Variants in GATB observed in about 807,000 individuals in gnomAD.
GATB encodes the protein glutamyl-tRNA amidotransferase subunit B.
Under a neutral mutation model 62.3 loss-of-function variants are expected in GATB, and 39 were observed. The observed-to-expected ratio is 0.63, with a 90% CI of 0.48 to 0.82. The LOEUF (loss-of-function observed/expected upper bound fraction) is 0.82, where lower values mean the gene tolerates loss of function less well. Among genes scored for constraint, GATB ranks in the 40% least tolerant of loss-of-function variants. The pLI is 0.00. For synonymous variants in GATB, 276 were observed against 258.9 expected (o/e 1.07, Z -0.63); for missense variants, 670 against 684.0 (o/e 0.98, Z 0.23).
intron 2 of GATB, among the ~76,000 whole-genome samples, chr4:151,752,965 T>A (rs1441776034): frequency 6.6e-6 from 1 of 152,178 alleles, no homozygotes; most frequent in Admixed American, 6.5e-5. Context: ...CATCCCACCA[T>A]GTCAATATCT....
Position 151,672,762 on chromosome 4 carries a change from C to A in GATB, c.1545G>T (p.Val515=). The stretch of plus-strand genomic sequence containing the variant: ...CCTCTCCCCTGCCCGAGATAGTCAC[C>A]ACTTGAGGATGGGCCTCCATCACAG... ...CHSVMEAHPQ[V]VMDVKNRNPR... The change falls in exon 12 of 13, where the codon GTG becomes GTT. Residue 515 remains valine (V), a splice_region_variant and synonymous_variant. Transcript: ENST00000263985. 1 of 1,613,976 alleles carries A rather than the reference C, an allele frequency of 6.2e-7. No individual in the cohort carries two copies. The highest frequency in any genetic ancestry group is 8.5e-7 in the Non-Finnish European group (1 of 1,179,904).
Position 151,701,461 on chromosome 4 carries a change from G to A in GATB, c.1065C>T (p.Pro355=), listed in dbSNP as rs532325104. 158 of 1,596,714 alleles carry A rather than the reference G, an allele frequency of 9.9e-5. No homozygotes were observed. Among genetic ancestry groups the A allele is most frequent in the Non-Finnish European group, 1.2e-4 (142 of 1,170,868 alleles). ...TCACTTGCTGTGGGTCTGCACCTGC[G>A]GGCAGAGATGTGGCGTCGTAGAGCA... ...PLVLYDATSL[P]AGADPQQVIN... The change falls in exon 9 of 13, where the codon CCC becomes CCT. Residue 355 remains proline, a synonymous_variant. Transcript: ENST00000263985.
At position 151,670,930 on chromosome 4, in the gene GATB, C is replaced by T. The variant is rs960208189; in HGVS notation, c.*244G>A. 4.3e-6 allele frequency: 2 copies of T among 465,398 alleles called. No individual in the cohort carries two copies. The highest frequency in any genetic ancestry group is 7.7e-6 in the Non-Finnish European group (2 of 260,306). 28.8% of individuals were successfully genotyped at this position (465,398 alleles called of 1,614,324 possible). On this transcript the variant is annotated 3_prime_UTR_variant, in exon 13 of 13. Coordinates refer to ENST00000263985, the MANE Select transcript of GATB (RefSeq NM_004564.3). Reference sequence around the variant, plus strand: ...TGTTACTCCTTAACCACTGCTGCAGCCTCACCGGACCCTCCTGATGTGGAT... The same window carrying T: ...TGTTACTCCTTAACCACTGCTGCAGTCTCACCGGACCCTCCTGATGTGGAT...
intron 9 of GATB, among the ~76,000 whole-genome samples, chr4:151,690,411 C>A (rs1458480213): frequency 6.6e-6 from 1 of 152,264 alleles, no homozygotes; most frequent in Non-Finnish European, 1.5e-5. Context: ...AAGGCAGAGC[C>A]AGGCAACTTG....
intron 9 of GATB, among the ~76,000 whole-genome samples, chr4:151,696,749 T>G (rs1455662997): frequency 1.3e-5 from 2 of 152,246 alleles, no homozygotes; most frequent in East Asian, 3.8e-4. Context: ...ACAATGCTTT[T>G]GTGTTCTCTG....
chr4:151,683,221 G>C (rs1329136682), intron 10 of GATB, among the ~76,000 whole-genome samples: 4 of 152,022 alleles, frequency 2.6e-5, no homozygotes, highest in Non-Finnish European at 5.9e-5. Context: ...TAGCACCAGT[G>C]GCTACTACCT....
intron 2 of GATB, among the ~76,000 whole-genome samples, chr4:151,731,992 C>T (rs866694510): frequency 0.021 from 2,614 of 126,880 alleles, 177 homozygotes; most frequent in South Asian, 0.063. Flanking sequence ...CCAGCCGCCC[C>T]GTCCGGGAGG....
rs200228996 is a variant in GATB, at chr4:151,708,034, C to G, written c.831G>C (p.Thr277=). 6.2e-7 allele frequency: 1 copy of G among 1,614,106 alleles called. No individual in the cohort carries two copies. The highest frequency in any genetic ancestry group is 1.7e-5 in the Admixed American group (1 of 60,032). Residue 277 remains threonine, a synonymous_variant, in exon 6 of 13, where the codon ACG becomes ACC. Coordinates refer to ENST00000263985, the MANE Select transcript of GATB (RefSeq NM_004564.3). ...TGATGCTGTTGAGATTCTTCACTTC[C>G]GTTCGAACGCCCAAAGGCTCCCCAG... ...HHPGEPLGVR[T]EVKNLNSIRF... is the part of the protein sequence containing the mutation.
At chr4:151,707,246 A>G (rs1286068848) in intron 6 of GATB, among the ~76,000 whole-genome samples, 3 of 152,236 alleles carry the variant, frequency 2.0e-5, no homozygotes, top group African/African-American at 4.8e-5. Flanking sequence ...CCTCTGATAA[A>G]GAGGTGGAGT....
intron 2 of GATB, among the ~76,000 whole-genome samples, chr4:151,753,650 C>A (rs1418160588): frequency 6.6e-5 from 10 of 151,924 alleles, no homozygotes; most frequent in East Asian, 5.8e-4. Context: ...TCATTGGCTC[C>A]TTCTCATCAG....
intron 2 of GATB, among the ~76,000 whole-genome samples, chr4:151,746,548 A>C (rs543050169): frequency 1.3e-5 from 2 of 152,200 alleles, no homozygotes; most frequent in Non-Finnish European, 2.9e-5. Context: ...GGTCCAAATA[A>C]TGAGTGAAGC....
At chr4:151,705,056 C>T in intron 7 of GATB, 129 bp downstream of exon 7, 2 of 634,810 alleles carry the variant, frequency 3.2e-6, no homozygotes, top group South Asian at 3.8e-5. Context: ...TCTAATTGTA[C>T]TAATGAGGAA....
chr4:151,719,276 C>T lies in GATB; in HGVS notation c.441+149G>A, dbSNP rs1048377010. 5.2e-6 allele frequency: 3 copies of T among 575,704 alleles called. No homozygotes were observed. In the African/African-American group the frequency reaches 5.9e-5, roughly 11 times the overall value. 35.7% of individuals were successfully genotyped at this position (575,704 alleles called of 1,614,324 possible). A position where few individuals can be genotyped will look rare whatever the true frequency, so the allele number is the denominator to read the frequency against. The stretch of plus-strand genomic sequence containing the variant: ...AACCATCAGGGGCACCTGCCTGCAT[C>T]AGGGCTGGGCCGAACTTCCTGCTGG... On this transcript the variant is annotated intron_variant, in intron 3 of 12. Transcript: ENST00000263985.
chr4:151,691,811 G>A (rs1297870382), intron 9 of GATB: 2 of 152,258 alleles, frequency 1.3e-5, no homozygotes, highest in African/African-American at 4.8e-5. Flanking sequence ...TTACGAGAAG[G>A]AAACCTGATA....
intron 9 of GATB, among the ~76,000 whole-genome samples, chr4:151,690,601 C>G (rs1366906689): frequency 1.3e-5 from 2 of 152,200 alleles, no homozygotes; most frequent in East Asian, 3.8e-4. Context: ...CTTTGCTTTG[C>G]CAGGGAAAGG....
chr4:151,681,970 G>T (rs1738147356), intron 10 of GATB, among the ~76,000 whole-genome samples: 1 of 152,156 alleles, frequency 6.6e-6, no homozygotes. Context: ...TAGGGGTCAG[G>T]ATTTCAACAC....
chr4:151,760,362 T>C lies in GATB; in HGVS notation c.176+445A>G, dbSNP rs189510347. Among the ~76,000 whole-genome samples, 864 of 152,324 alleles carry C rather than the reference T, an allele frequency of 5.7e-3. 5 individuals carry two copies. The highest frequency in any genetic ancestry group is 8.0e-3 in the Non-Finnish European group (541 of 68,026). Reference sequence around the variant, plus strand: ...GCCTGCACAGATAGCTAGTGTTTTCTGACTAATGACAATAACCCACCACTA... The same window carrying C: ...GCCTGCACAGATAGCTAGTGTTTTCCGACTAATGACAATAACCCACCACTA... On this transcript the variant is annotated intron_variant, in intron 1 of 12. Coordinates refer to ENST00000263985, the MANE Select transcript of GATB (RefSeq NM_004564.3).
chr4:151,681,991 G>C (rs939769580), intron 10 of GATB, among the ~76,000 whole-genome samples: 1 of 152,148 alleles, frequency 6.6e-6, no homozygotes, highest in Non-Finnish European at 1.5e-5. Context: ...AGGAATTTGG[G>C]GGAGGATCCC....
rs1209653762 is a variant in GATB at position 151,730,233 on chromosome 4, G to C, written c.328-10695C>G. Among the ~76,000 whole-genome samples the C allele has an allele frequency of 1.3e-5, 2 of 152,138 alleles. No individual in the cohort carries two copies. Among genetic ancestry groups the C allele is most frequent in the Non-Finnish European group, 2.9e-5 (2 of 68,026 alleles). On this transcript the variant is annotated intron_variant, in intron 2 of 12. Transcript: ENST00000263985. The surrounding 1 kb of genome is among the most constrained non-coding windows in gnomAD (Gnocchi z 4.1). Reference sequence around the variant, plus strand: ...CTAGGCACACAACTCCAGTGACCTGGGAATCTCATCCCCATCATCCACAGC... The same window carrying C: ...CTAGGCACACAACTCCAGTGACCTGCGAATCTCATCCCCATCATCCACAGC...
Sources: gnomAD v4.1 joint callset for allele counts (sites outside exome capture counted in the v4.1 genomes callset) on GRCh38, gnomAD v4.1.1 for gene constraint, Gnocchi (gnomAD v3.1) non-coding constraint, MANE v1.5 for transcripts, NCBI Gene and HGNC (gene_info 2026-07-23, HGNC 2026-07-21) for gene names.